SLC24A2: variants seen among roughly 807,000 people sequenced by gnomAD.
SLC24A2 encodes the protein sodium/potassium/calcium exchanger 2.
Under a neutral mutation model 62.0 loss-of-function variants are expected in SLC24A2, and 36 were observed. The observed-to-expected ratio is 0.58, with a 90% CI of 0.44 to 0.77. The LOEUF (loss-of-function observed/expected upper bound fraction) is 0.77, where lower values mean the gene tolerates loss of function less well. Among genes scored for constraint, SLC24A2 ranks in the 30% least tolerant of loss-of-function variants. The pLI is 0.00. For missense variants in SLC24A2, 846 were observed against 817.9 expected, an observed-to-expected ratio of 1.03 and a Z score of -0.42; for synonymous variants, 358 against 294.0, an observed-to-expected ratio of 1.22 and a Z score of -2.23.
chr9:20,161,884 C>A, the SLC24A2 span, among the ~76,000 whole-genome samples: 24 of 151,250 alleles, frequency 1.6e-4, no homozygotes, highest in Non-Finnish European at 3.0e-4. Context: ...AGCTAGAAAA[C>A]CTACTATATT....
the SLC24A2 span, among the ~76,000 whole-genome samples, chr9:20,282,255 T>G: frequency 1.3e-5 from 2 of 152,136 alleles, no homozygotes; most frequent in African/African-American, 4.8e-5. Flanking sequence ...AGAAACCTTT[T>G]CCCAGAAAAG....
chr9:20,246,516 G>A, the SLC24A2 span, among the ~76,000 whole-genome samples: 1 of 152,202 alleles, frequency 6.6e-6, no homozygotes, highest in African/African-American at 2.4e-5. Context: ...CACTCAGCAT[G>A]TGTGTTGGGC....
At chr9:19,560,570 AC>A (rs1334914257) in intron 7 of SLC24A2, among the ~76,000 whole-genome samples, 1 of 152,182 alleles carries the variant, frequency 6.6e-6, no homozygotes, top group East Asian at 1.9e-4. Context: ...GGAAGCCCTT[AC>A]CAGAGACTGA....
chr9:19,886,169 G>A, the SLC24A2 span, among the ~76,000 whole-genome samples: 3 of 152,134 alleles, frequency 2.0e-5, no homozygotes, highest in African/African-American at 7.2e-5. Flanking sequence ...TTGAGAAGTC[G>A]CCACACTGCT....
chr9:19,865,343 C>G, the SLC24A2 span, among the ~76,000 whole-genome samples: 1 of 151,926 alleles, frequency 6.6e-6, no homozygotes. Context: ...CCCTAAAAAT[C>G]AATCCCAAAT....
chr9:19,578,358 C>A (rs1360244900), intron 5 of SLC24A2, among the ~76,000 whole-genome samples: 20 of 135,624 alleles, frequency 1.5e-4, no homozygotes, highest in East Asian at 2.2e-4. Flanking sequence ...TGCAATAAGC[C>A]AAAAAAAAAA....
the SLC24A2 span, among the ~76,000 whole-genome samples, chr9:20,021,338 G>A: frequency 1.3e-5 from 2 of 151,536 alleles, no homozygotes; most frequent in Non-Finnish European, 2.9e-5. Context: ...ATGAAGAATT[G>A]TGGGACAGAT....
chr9:19,725,765 T>C (rs2118679377), intron 2 of SLC24A2, among the ~76,000 whole-genome samples: 1 of 152,276 alleles, frequency 6.6e-6, no homozygotes, highest in Non-Finnish European at 1.5e-5. Context: ...TCAATGTTTC[T>C]AAAGACACAA....
At chr9:20,193,412 A>G in the SLC24A2 span, among the ~76,000 whole-genome samples, 1 of 152,072 alleles carries the variant, frequency 6.6e-6, no homozygotes, top group Non-Finnish European at 1.5e-5. Flanking sequence ...GAAAAGCAAG[A>G]AAACTTGAAA....
the SLC24A2 span, among the ~76,000 whole-genome samples, chr9:20,225,345 G>C: frequency 1.3e-5 from 2 of 151,128 alleles, no homozygotes; most frequent in Non-Finnish European, 2.9e-5. Flanking sequence ...TAGGAGCATG[G>C]ATAAATGGGT....
At chr9:19,664,411 A>G (rs992138756) in intron 2 of SLC24A2, among the ~76,000 whole-genome samples, 10 of 152,346 alleles carry the variant, frequency 6.6e-5, no homozygotes, top group African/African-American at 1.2e-4. Context: ...CGCTGTGAGG[A>G]ACACATGACA....
At chr9:19,952,697 T>C in the SLC24A2 span, among the ~76,000 whole-genome samples, 1 of 149,472 alleles carries the variant, frequency 6.7e-6, no homozygotes, top group East Asian at 2.0e-4. Flanking sequence ...TGAGGTGCAA[T>C]CGTCTGTAGT....
chr9:19,545,160 C>T (rs1033234180), intron 8 of SLC24A2, among the ~76,000 whole-genome samples: 6 of 151,880 alleles, frequency 4.0e-5, no homozygotes, highest in African/African-American at 7.3e-5. Flanking sequence ...TGTCTTCTCA[C>T]TTCATTTCAT....
In SLC24A2 at chr9:19,563,172, C is replaced by T. The variant is rs116608829; in HGVS notation, c.1347+10179G>A. 4.7e-3 allele frequency among the ~76,000 whole-genome samples: 579 copies of T among 124,288 alleles called. 8 individuals carry two copies. The highest frequency in any genetic ancestry group is 0.014 in the African/African-American group (557 of 40,326). The allele number at this position is 124,288 out of a possible 152,430, so 81.5% of individuals were successfully genotyped here. A position where few individuals can be genotyped will look rare whatever the true frequency, so the allele number is the denominator to read the frequency against. On this transcript the variant is annotated intron_variant, in intron 7 of 10. Coordinates refer to ENST00000341998, the MANE Select transcript of SLC24A2 (RefSeq NM_020344.4). ...TATTCTTATTTCTTTCACTATTCAG[C>T]TTTGGCATCTCTCCCCCAGCACTGC...
chr9:19,588,161 GTTTT>G (rs1332119959), intron 5 of SLC24A2, among the ~76,000 whole-genome samples: 1 of 137,704 alleles, frequency 7.3e-6, no homozygotes, highest in Admixed American at 8.2e-5. Context: ...GTTCAATACA[GTTTT>G]TTTTCTTTTT....
the SLC24A2 span, chr9:19,895,929 G>C: frequency 6.2e-7 from 1 of 1,613,220 alleles, no homozygotes; most frequent in Non-Finnish European, 8.5e-7. Flanking sequence ...TCCTCATCAG[G>C]TCAAACAGCT....
the SLC24A2 span, among the ~76,000 whole-genome samples, chr9:19,874,233 C>A: frequency 6.6e-6 from 1 of 152,006 alleles, no homozygotes; most frequent in Non-Finnish European, 1.5e-5. Flanking sequence ...GCGTCAGCCA[C>A]CACACCCAGC....
At chr9:19,766,128 T>C (rs913300633) in intron 2 of SLC24A2, among the ~76,000 whole-genome samples, 3 of 152,228 alleles carry the variant, frequency 2.0e-5, no homozygotes, top group African/African-American at 7.2e-5. Context: ...GTTCTTGTGC[T>C]GTGTTTTTCA....
intron 2 of SLC24A2, among the ~76,000 whole-genome samples, chr9:19,746,798 T>C (rs1821844749): frequency 6.6e-6 from 1 of 152,194 alleles, no homozygotes; most frequent in Non-Finnish European, 1.5e-5. Context: ...ACACTTATCT[T>C]GTTGATTTAT....
Sources: allele counts gnomAD v4.1 joint callset (sites outside exome capture counted in the v4.1 genomes callset), GRCh38; gene constraint gnomAD v4.1.1; transcripts MANE v1.5; gene names NCBI Gene and HGNC (gene_info 2026-07-23, HGNC 2026-07-21).